The following FBXO16 variants were observed in gnomAD, a reference collection of about 807,000 sequenced individuals.
FBXO16 encodes the protein F-box only protein 16.
A neutral mutation model predicts 41.0 loss-of-function variants in FBXO16; 31 were observed. That is an observed-to-expected ratio of 0.76 (90% CI 0.57 to 1.02). The LOEUF (loss-of-function observed/expected upper bound fraction) is 1.02. FBXO16 is among the 50% of genes least tolerant of loss of function. The pLI, the probability that FBXO16 is intolerant of heterozygous loss-of-function variation, is 0.00. For missense variants in FBXO16, 361 were observed against 346.2 expected (o/e 1.04, Z -0.34); for synonymous variants, 133 against 117.8 (o/e 1.13, Z -0.84).
At chr8:28,480,474 T>G (rs1274040474) in intron 2 of FBXO16, among the ~76,000 whole-genome samples, 1 of 151,862 alleles carries the variant, frequency 6.6e-6, no homozygotes, top group Non-Finnish European at 1.5e-5. Context: ...GAACTCTGAT[T>G]CAATTTCTTT....
chr8:28,442,596 C>CT (rs1802797894), intron 7 of FBXO16, among the ~76,000 whole-genome samples: 1 of 152,094 alleles, frequency 6.6e-6, no homozygotes. Flanking sequence ...GTTGGCCAGG[C>CT]TAGTCTCAAA....
intron 1 of FBXO16, among the ~76,000 whole-genome samples, chr8:28,487,392 ATTTTTTT>A (rs56197407): frequency 4.8e-5 from 6 of 125,752 alleles, no homozygotes; most frequent in Non-Finnish European, 8.4e-5. Context: ...AAGAAGACAG[ATTTTTTT>A]TTTTTTTTTT....
Position 28,444,325 on chromosome 8 carries a change from C to T in FBXO16, c.843+2846G>A, listed in dbSNP as rs1309011169. 1.9e-3 allele frequency among the ~76,000 whole-genome samples: 259 copies of T among 137,856 alleles called. 2 individuals carry two copies. The highest frequency in any genetic ancestry group is 6.7e-3 in the African/African-American group (241 of 35,980). 90.4% of individuals were successfully genotyped at this position (137,856 alleles called of 152,430 possible). On this transcript the variant is annotated intron_variant, in intron 7 of 8. Coordinates refer to ENST00000380254, the MANE Select transcript of FBXO16 (RefSeq NM_172366.4). ...TTCTTTTTTTTTTTTTTTTTTGAGA[C>T]GGAGTCTTGCTCTGTCACCCAGGCT... is the stretch of plus-strand genomic sequence containing the variant.
intron 2 of FBXO16, among the ~76,000 whole-genome samples, chr8:28,474,917 G>T (rs528005141): frequency 1.1e-4 from 17 of 152,350 alleles, no homozygotes; most frequent in Non-Finnish European, 2.1e-4. Flanking sequence ...CTGAGCATCA[G>T]TGCATATGTA....
intron 3 of FBXO16, among the ~76,000 whole-genome samples, chr8:28,468,484 C>G (rs952280765): frequency 6.6e-6 from 1 of 152,006 alleles, no homozygotes; most frequent in Non-Finnish European, 1.5e-5. Flanking sequence ...GTTTCTGAGT[C>G]CTATTATCAA....
intron 2 of FBXO16, 62 bp from the exon 3 acceptor site, chr8:28,473,869 A>G (rs79868079): frequency 1.6e-6 from 2 of 1,239,452 alleles, no homozygotes; most frequent in Non-Finnish European, 2.3e-6. Flanking sequence ...ACCCATTACA[A>G]GAAAGATACC....
At chr8:28,445,419 TTGAC>T (rs1563360119) in intron 7 of FBXO16, among the ~76,000 whole-genome samples, 1 of 152,212 alleles carries the variant, frequency 6.6e-6, no homozygotes, top group Non-Finnish European at 1.5e-5. Context: ...GGAGAAATGT[TTGAC>T]TGTGCTGATA....
chr8:28,452,047 C>A (rs1339629323), intron 6 of FBXO16, among the ~76,000 whole-genome samples, 197 bp downstream of exon 6: 2 of 149,274 alleles, frequency 1.3e-5, no homozygotes, highest in Non-Finnish European at 3.0e-5. Flanking sequence ...ATTACTATTA[C>A]AAAATGCAAA....
At chr8:28,462,335 G>A (rs561343290) in intron 4 of FBXO16, among the ~76,000 whole-genome samples, 51 of 149,190 alleles carry the variant, frequency 3.4e-4, no homozygotes, top group African/African-American at 1.2e-3. Flanking sequence ...CTGGAGTGCA[G>A]TGGCGCATTC....
Position 28,466,587 on chromosome 8 carries a change from C to T in FBXO16, c.136-2769G>A, listed in dbSNP as rs561558173. 4.6e-4 allele frequency among the ~76,000 whole-genome samples: 69 copies of T among 150,200 alleles called. 1 individual carries two copies. Among genetic ancestry groups the T allele is most frequent in the African/African-American group, 1.5e-3 (62 of 40,750 alleles). On this transcript the variant is annotated intron_variant, in intron 3 of 8. Coordinates refer to ENST00000380254, the MANE Select transcript of FBXO16 (RefSeq NM_172366.4). ...TGGGTGGATCACGAAGTCAGGAGATCGAGACCATCCTGGCTGACACGGTGA... is the reference window on the plus strand; with the variant it reads ...TGGGTGGATCACGAAGTCAGGAGATTGAGACCATCCTGGCTGACACGGTGA...
chr8:28,488,730 A>T (rs1009144854), intron 1 of FBXO16, among the ~76,000 whole-genome samples: 1 of 152,152 alleles, frequency 6.6e-6, no homozygotes, highest in African/African-American at 2.4e-5. Context: ...GGTATTTTTT[A>T]AAAGACCAGT....
In FBXO16 at chr8:28,451,118, T is replaced by C. The variant is rs183767377; in HGVS notation, c.740+1126A>G. Among the ~76,000 whole-genome samples the C allele has an allele frequency of 1.9e-4, 29 of 152,208 alleles. No homozygotes were observed. In the East Asian group the frequency reaches 3.7e-3, roughly 19 times the overall value. ...CATCCCCGCACTCACCCAGACTTCT[T>C]TCAAGTACAATATTTTAATAAACAA... On this transcript the variant is annotated intron_variant, in intron 6 of 8. Coordinates refer to ENST00000380254, the MANE Select transcript of FBXO16 (RefSeq NM_172366.4).
At chr8:28,443,129 C>G (rs963646117) in intron 7 of FBXO16, among the ~76,000 whole-genome samples, 2 of 152,072 alleles carry the variant, frequency 1.3e-5, no homozygotes, top group African/African-American at 4.8e-5. Flanking sequence ...AGTGATCCTC[C>G]CACCTCAGCC....
chr8:28,430,922 GACC>G (rs1802596090), intron 7 of FBXO16, among the ~76,000 whole-genome samples: 1 of 152,106 alleles, frequency 6.6e-6, no homozygotes, highest in African/African-American at 2.4e-5. Flanking sequence ...CAGTGAGCAA[GACC>G]GCGCCATTGC....
chr8:28,474,622 T>A (rs1314928912), intron 2 of FBXO16, among the ~76,000 whole-genome samples: 1 of 152,218 alleles, frequency 6.6e-6, no homozygotes, highest in East Asian at 1.9e-4. Context: ...TGATAAGTAC[T>A]CACATATGTG....
At chr8:28,456,002 A>C (rs1318444546) in intron 5 of FBXO16, 1 of 152,154 alleles carries the variant, frequency 6.6e-6, no homozygotes. Context: ...CTGTGGTTTT[A>C]AAAAAATCAT....
At chr8:28,483,802 T>C (rs1803555779) in intron 1 of FBXO16, among the ~76,000 whole-genome samples, 1 of 152,170 alleles carries the variant, frequency 6.6e-6, no homozygotes, top group South Asian at 2.1e-4. Flanking sequence ...ATGGCACCAC[T>C]GTACTCCAGC....
At chr8:28,445,077 T>C (rs1030035857) in intron 7 of FBXO16, among the ~76,000 whole-genome samples, 1 of 151,848 alleles carries the variant, frequency 6.6e-6, no homozygotes. Flanking sequence ...CCGGCATGAG[T>C]CAAAATATCG....
intron 5 of FBXO16, among the ~76,000 whole-genome samples, chr8:28,454,090 C>T (rs1802997691): frequency 6.6e-6 from 1 of 151,858 alleles, no homozygotes; most frequent in South Asian, 2.1e-4. Context: ...CACTTGAACT[C>T]CGGAGGCAGA....
Sources: gnomAD v4.1 joint callset for allele counts (sites outside exome capture counted in the v4.1 genomes callset) on GRCh38, gnomAD v4.1.1 for gene constraint, MANE v1.5 for transcripts, NCBI Gene and HGNC (gene_info 2026-07-23, HGNC 2026-07-21) for gene names.